The following MRPS31 variants were observed in gnomAD, a reference collection of about 807,000 sequenced individuals.
MRPS31 encodes the protein small ribosomal subunit protein mS31.
Under a neutral mutation model 43.1 loss-of-function variants are expected in MRPS31, and 32 were observed. The ratio of observed to expected loss-of-function variants is 0.74; its 90% CI spans 0.56 to 1.00. The LOEUF (loss-of-function observed/expected upper bound fraction) is 1.00, where lower values mean the gene tolerates loss of function less well. Ranked by LOEUF, MRPS31 falls within the 50% of genes least tolerant of loss-of-function variation. The pLI, the probability that MRPS31 is intolerant of heterozygous loss-of-function variation, is 0.00. For missense variants in MRPS31, 437 were observed against 466.7 expected (o/e 0.94, Z 0.59); for synonymous variants, 165 against 161.6 (o/e 1.02, Z -0.16).
At chr13:40,750,790 A>G (rs1450758357) in intron 5 of MRPS31, among the ~76,000 whole-genome samples, 1 of 144,094 alleles carries the variant, frequency 6.9e-6, no homozygotes, top group African/African-American at 2.6e-5. Context: ...TATATGTATC[A>G]CAATCCCTTA....
chr13:40,767,343 G>A (rs1371751748), intron 1 of MRPS31, among the ~76,000 whole-genome samples: 1 of 152,174 alleles, frequency 6.6e-6, no homozygotes, highest in Non-Finnish European at 1.5e-5. Flanking sequence ...TTTTAGCAAA[G>A]ATGGGGTTTC....
intron 1 of MRPS31, 71 bp from the exon 2 acceptor site, chr13:40,767,104 C>A: frequency 3.3e-6 from 4 of 1,220,878 alleles, no homozygotes; most frequent in South Asian, 3.4e-5. Flanking sequence ...AACTTACTTA[C>A]AATAAAGTAA....
At chr13:40,758,648 G>A (rs1400662128) in intron 3 of MRPS31, among the ~76,000 whole-genome samples, 3 of 152,134 alleles carry the variant, frequency 2.0e-5, no homozygotes, top group Non-Finnish European at 4.4e-5. Context: ...ACTTTTCTCA[G>A]AGAAGCTACT....
At chr13:40,733,008 T>G (rs1045964296) in intron 6 of MRPS31, among the ~76,000 whole-genome samples, 2 of 144,950 alleles carry the variant, frequency 1.4e-5, no homozygotes, top group Non-Finnish European at 3.0e-5. Flanking sequence ...TTTTTTTTTT[T>G]TTTTTTTTTT....
chr13:40,766,987 A>T lies in MRPS31; in HGVS notation c.199T>A (p.Cys67Ser), dbSNP rs774052260. ...QRYFGTNSVI[C>S]SKKDKQSVRT... ...ACAGACTGCTTATCTTTCTTGCTAC[A>T]GATCACACTGTTAGTGCCAAAATAT... Residue 67 changes from cysteine (C) to serine (S), a missense_variant, in exon 2 of 7, where the codon TGT becomes AGT. By Grantham distance (112) the Cys-to-Ser change is moderately radical. Coordinates refer to ENST00000323563, the MANE Select transcript of MRPS31 (RefSeq NM_005830.4). 1.9e-6 allele frequency: 3 copies of T among 1,613,644 alleles called. No individual in the cohort carries two copies. Among genetic ancestry groups the T allele is most frequent in the Non-Finnish European group, 2.5e-6 (3 of 1,179,920 alleles).
At chr13:40,749,849 T>TA (rs1465050545) in intron 5 of MRPS31, among the ~76,000 whole-genome samples, 31 of 152,200 alleles carry the variant, frequency 2.0e-4, no homozygotes, top group African/African-American at 7.2e-4. Flanking sequence ...TTCAATAACT[T>TA]ATTTACTTTT....
At chr13:40,731,173 G>T (rs1387389612) in intron 6 of MRPS31, 1 of 151,550 alleles carries the variant, frequency 6.6e-6, no homozygotes, top group Non-Finnish European at 1.5e-5. Flanking sequence ...AGGATCACCT[G>T]AGCCTGGGAG....
chr13:40,729,820 CT>C (rs1308300949), intron 6 of MRPS31, among the ~76,000 whole-genome samples: 1 of 150,578 alleles, frequency 6.6e-6, no homozygotes, highest in African/African-American at 2.5e-5. Flanking sequence ...CCTCTGCCTT[CT>C]GGGTTTCATG....
In MRPS31 at chr13:40,729,205, A is replaced by G. The variant is rs896250563; in HGVS notation, c.*167T>C. The G allele has an allele frequency of 4.4e-5, 21 of 475,860 alleles. No homozygotes were observed. The highest frequency in any genetic ancestry group is 7.4e-5 in the Non-Finnish European group (20 of 270,272). The allele number at this position is 475,860 out of a possible 1,614,324, so 29.5% of individuals were successfully genotyped here. On this transcript the variant is annotated 3_prime_UTR_variant, in exon 7 of 7. Coordinates refer to ENST00000323563, the MANE Select transcript of MRPS31 (RefSeq NM_005830.4). ...CTATGAATACTGATGATTTTTCTCCATGCAAGAATATTTTTCAGTTACCAT... is the reference window on the plus strand; with the variant it reads ...CTATGAATACTGATGATTTTTCTCCGTGCAAGAATATTTTTCAGTTACCAT...
chr13:40,757,430 CTA>C (rs1880560382), intron 3 of MRPS31, among the ~76,000 whole-genome samples: 1 of 143,980 alleles, frequency 6.9e-6, no homozygotes, highest in African/African-American at 2.6e-5. Flanking sequence ...GTCCAGATAT[CTA>C]TGTCTTCCTT....
chr13:40,761,320 T>A (rs541924128), intron 2 of MRPS31, among the ~76,000 whole-genome samples: 1 of 152,126 alleles, frequency 6.6e-6, no homozygotes, highest in Admixed American at 6.5e-5. Flanking sequence ...TAAAATGTGC[T>A]TTTAAAACTT....
chr13:40,742,757 T>A (rs1880136909), intron 6 of MRPS31, among the ~76,000 whole-genome samples: 1 of 152,150 alleles, frequency 6.6e-6, no homozygotes. Context: ...AAAAGTGTGA[T>A]TAACATTCAT....
chr13:40,766,690 C>T (rs1880856946), intron 2 of MRPS31, 56 bp downstream of exon 2: 18 of 1,486,122 alleles, frequency 1.2e-5, no homozygotes, highest in South Asian at 2.7e-5. Flanking sequence ...TATTTTTTAC[C>T]AAAACAAAAA....
At chr13:40,759,953 G>A (rs1357999633) in intron 2 of MRPS31, among the ~76,000 whole-genome samples, 1 of 152,096 alleles carries the variant, frequency 6.6e-6, no homozygotes, top group Non-Finnish European at 1.5e-5. Context: ...TCAAGTGAAA[G>A]AAGTTGGACA....
At chr13:40,750,742 T>TTTTATATA (rs1171105413) in intron 5 of MRPS31, among the ~76,000 whole-genome samples, 1 of 130,850 alleles carries the variant, frequency 7.6e-6, no homozygotes, top group African/African-American at 2.9e-5. Flanking sequence ...GTATCCCATT[T>TTTTATATA]TATATATATA....
chr13:40,753,473 G>C (rs1452896984), intron 5 of MRPS31, among the ~76,000 whole-genome samples: 3 of 152,194 alleles, frequency 2.0e-5, no homozygotes, highest in Admixed American at 6.5e-5. Context: ...CATTTCAAGG[G>C]GGAAGCCTGA....
chr13:40,738,612 T>C (rs1029582367), intron 6 of MRPS31, among the ~76,000 whole-genome samples: 15 of 152,146 alleles, frequency 9.9e-5, no homozygotes, highest in Non-Finnish European at 1.8e-4. Context: ...GCTTCATCCC[T>C]GGGATGCAAG....
At chr13:40,740,486 C>A (rs1456777350) in intron 6 of MRPS31, among the ~76,000 whole-genome samples, 2 of 135,396 alleles carry the variant, frequency 1.5e-5, no homozygotes, top group African/African-American at 6.0e-5. Flanking sequence ...CAAATGCACA[C>A]GTATGTTTAT....
chr13:40,755,022 G>A (rs1880492582), intron 4 of MRPS31, among the ~76,000 whole-genome samples: 4 of 152,240 alleles, frequency 2.6e-5, no homozygotes, highest in South Asian at 4.1e-4. Flanking sequence ...CGATAAGAGC[G>A]AGACTCCGTC....
Sources: gnomAD v4.1 joint callset for allele counts (sites outside exome capture counted in the v4.1 genomes callset) on GRCh38, gnomAD v4.1.1 for gene constraint, MANE v1.5 for transcripts, NCBI Gene and HGNC (gene_info 2026-07-23, HGNC 2026-07-21) for gene names.